COL10A1: variants seen among roughly 807,000 people sequenced by gnomAD.
The protein encoded by COL10A1 is collagen alpha-1(X) chain.
Under a neutral mutation model 18.2 loss-of-function variants are expected in COL10A1, and 10 were observed. The ratio of observed to expected loss-of-function variants is 0.55; its 90% CI spans 0.34 to 0.93. COL10A1 has a LOEUF of 0.93. Ranked by LOEUF, COL10A1 falls within the 40% of genes least tolerant of loss-of-function variation. The pLI is 0.02. For missense variants in COL10A1, 897 were observed against 853.5 expected (o/e 1.05, Z -0.64); for synonymous variants, 330 against 316.6 (o/e 1.04, Z -0.45).
At chr6:116,187,349 A>G in the COL10A1 span, among the ~76,000 whole-genome samples, 3,799 of 152,168 alleles carry the variant, frequency 0.025, 142 homozygotes, top group African/African-American at 0.086. Context: ...TTCTTTATAG[A>G]AAACTGAAGC....
chr6:116,186,376 T>G, the COL10A1 span, among the ~76,000 whole-genome samples: 8 of 151,890 alleles, frequency 5.3e-5, no homozygotes, highest in South Asian at 2.1e-4. Context: ...TTGCGATGAA[T>G]TTCCCAGGTG....
the COL10A1 span, among the ~76,000 whole-genome samples, chr6:116,180,764 C>G: frequency 6.6e-6 from 1 of 151,864 alleles, no homozygotes; most frequent in Non-Finnish European, 1.5e-5. Context: ...GGAAATGACC[C>G]AATTTCATCA....
chr6:116,199,013 T>C, the COL10A1 span, among the ~76,000 whole-genome samples: 6 of 152,160 alleles, frequency 3.9e-5, no homozygotes, highest in South Asian at 2.1e-4. Flanking sequence ...GGAGGAGCTG[T>C]TCTGTGCATT....
At chr6:116,123,724 C>CT (rs1779206591) in intron 2 of COL10A1, among the ~76,000 whole-genome samples, 1 of 152,160 alleles carries the variant, frequency 6.6e-6, no homozygotes, top group Non-Finnish European at 1.5e-5. Flanking sequence ...AGTTGAGTGT[C>CT]TATCTAAAAA....
chr6:116,152,894 G>T (rs186463105), intron 1 of COL10A1, among the ~76,000 whole-genome samples: 1 of 151,806 alleles, frequency 6.6e-6, no homozygotes, highest in Non-Finnish European at 1.5e-5. Context: ...CTATGATGTC[G>T]CCAGAGAAAA....
At chr6:116,131,648 T>C (rs936786250) in intron 1 of COL10A1, among the ~76,000 whole-genome samples, 7 of 152,198 alleles carry the variant, frequency 4.6e-5, no homozygotes, top group Non-Finnish European at 8.8e-5. Context: ...ATCTGTGTTA[T>C]TTCCTGTCTT....
chr6:116,182,047 A>G, the COL10A1 span, among the ~76,000 whole-genome samples: 1 of 151,904 alleles, frequency 6.6e-6, no homozygotes, highest in African/African-American at 2.4e-5. Context: ...CGCGTCCCCA[A>G]AGTCCAGTGT....
chr6:116,164,848 C>T, the COL10A1 span, among the ~76,000 whole-genome samples: 19 of 152,100 alleles, frequency 1.2e-4, no homozygotes, highest in South Asian at 3.3e-3. Context: ...CTTTGGGAGG[C>T]CGAGGCAGGC....
chr6:116,175,760 A>G, the COL10A1 span, among the ~76,000 whole-genome samples: 1 of 152,150 alleles, frequency 6.6e-6, no homozygotes, highest in South Asian at 2.1e-4. Flanking sequence ...AACTTTTAAT[A>G]TTTCCATAGT....
chr6:116,128,769 G>A (rs1254050081), upstream of COL10A1, among the ~76,000 whole-genome samples: 1 of 152,078 alleles, frequency 6.6e-6, no homozygotes, highest in Non-Finnish European at 1.5e-5. Flanking sequence ...TTAAAATAGT[G>A]GTGGTTCAAA....
At chr6:116,130,198 T>C (rs114037718), upstream of COL10A1, among the ~76,000 whole-genome samples, 328 of 152,278 alleles carry the variant, frequency 2.2e-3, 1 homozygote, top group African/African-American at 7.5e-3. Flanking sequence ...ACAGTGTGTA[T>C]AGAAAAAGCA....
chr6:116,156,368 G>A (rs1361264062), intron 1 of COL10A1, among the ~76,000 whole-genome samples: 1 of 152,054 alleles, frequency 6.6e-6, no homozygotes, highest in Non-Finnish European at 1.5e-5. Flanking sequence ...TTATTAGTTA[G>A]TTTGCTGGTT....
rs778701685 is a variant in COL10A1, at chr6:116,120,816, C to T, written c.1300G>A (p.Gly434Arg). The T allele has an allele frequency of 8.7e-6, 14 of 1,612,736 alleles. No individual in the cohort carries two copies. Among genetic ancestry groups the T allele is most frequent in the Non-Finnish European group, 1.2e-5 (14 of 1,179,794 alleles). The change falls in exon 3 of 3, where the codon GGA (glycine) becomes AGA (arginine). Residue 434 changes from glycine to arginine, a missense_variant. Physicochemically the swap from Gly to Arg is moderately radical, Grantham distance 125 (BLOSUM62 -2). Coordinates refer to ENST00000651968, the MANE Select transcript of COL10A1 (RefSeq NM_000493.4). ...CTTGGGCCAGCCTCTCCATTGTGTC[C>T]GGGCATTCCCTTTGCTCCTGCTGGG... ...VGPAGAKGMP[G>R]HNGEAGPRGA...
At chr6:116,177,032 G>T in the COL10A1 span, among the ~76,000 whole-genome samples, 9 of 152,170 alleles carry the variant, frequency 5.9e-5, no homozygotes, top group African/African-American at 2.2e-4. Flanking sequence ...AAAATGTCCA[G>T]AGAACTACAA....
In COL10A1 at chr6:116,121,706, G is replaced by C; in HGVS notation, c.410C>G (p.Pro137Arg). The C allele has an allele frequency of 1.2e-6, 2 of 1,614,014 alleles. No individual in the cohort carries two copies. Among genetic ancestry groups the C allele is most frequent in the Non-Finnish European group, 1.7e-6 (2 of 1,179,966 alleles). Residue 137 changes from proline to arginine, a missense_variant, in exon 3 of 3, where the codon CCC becomes CGC. Pro to Arg is a moderately radical substitution (Grantham distance 103). Transcript: ENST00000651968. ...TCCAGGTGGTCCTGGTGGGCCCCGG[G>C]GTCCTGGTAGGCCAGCTGGTCCAAC... ...GDVGPAGLPGPRGPPGPPGIP... is the reference protein window; with the variant it reads ...GDVGPAGLPGRRGPPGPPGIP...
At chr6:116,159,968 GTAT>G (rs1372359248), upstream of COL10A1, among the ~76,000 whole-genome samples, 2 of 152,152 alleles carry the variant, frequency 1.3e-5, no homozygotes, top group African/African-American at 4.8e-5. Context: ...TGGCCGTGTA[GTAT>G]TCCACAGTGT....
At chr6:116,133,161 C>T (rs769417991) in intron 1 of COL10A1, among the ~76,000 whole-genome samples, 31 of 152,142 alleles carry the variant, frequency 2.0e-4, no homozygotes, top group Admixed American at 9.8e-4. Flanking sequence ...TGCTTAATGA[C>T]ATCACCTGCT....
the COL10A1 span, among the ~76,000 whole-genome samples, chr6:116,195,623 G>A: frequency 6.6e-6 from 1 of 151,962 alleles, no homozygotes; most frequent in Admixed American, 6.6e-5. Flanking sequence ...ATAATCAGGG[G>A]TTAGAAAGAT....
chr6:116,128,337 C>T (rs1021905218), upstream of COL10A1, among the ~76,000 whole-genome samples: 1 of 152,114 alleles, frequency 6.6e-6, no homozygotes, highest in African/African-American at 2.4e-5. Context: ...TATTTTCTAG[C>T]CACACCCCAC....
Sources: allele counts gnomAD v4.1 joint callset (sites outside exome capture counted in the v4.1 genomes callset), GRCh38; gene constraint gnomAD v4.1.1; transcripts MANE v1.5; gene names NCBI Gene and HGNC (gene_info 2026-07-23, HGNC 2026-07-21).